Variants in AK7 observed in about 807,000 individuals in gnomAD.
AK7 encodes ATP-AMP transphosphorylase 7.
A neutral mutation model predicts 96.6 loss-of-function variants in AK7; 78 were observed. That is an observed-to-expected ratio of 0.81 (90% CI 0.67 to 0.97). AK7 has a LOEUF of 0.97. AK7 is among the 50% of genes least tolerant of loss of function. AK7 has a pLI of 0.00. For missense variants in AK7, 855 were observed against 887.9 expected (o/e 0.96, Z 0.47); for synonymous variants, 302 against 317.2 (o/e 0.95, Z 0.51).
chr14:96,456,652 C>G, intron 11 of AK7, 177 bp downstream of exon 11: 1 of 616,148 alleles, frequency 1.6e-6, no homozygotes, highest in Non-Finnish European at 2.7e-6. Context: ...CTTCTCTTCC[C>G]CCTCAGGCCT....
At chr14:96,451,382 C>A in intron 9 of AK7, 39 bp from the exon 10 acceptor site, 1 of 1,494,502 alleles carries the variant, frequency 6.7e-7, no homozygotes, top group Non-Finnish European at 9.0e-7. Context: ...CAGAATTAAA[C>A]AAAAAAAGAC....
chr14:96,398,426 A>G (rs1174352195), intron 2 of AK7, 163 bp downstream of exon 2: 4 of 691,236 alleles, frequency 5.8e-6, no homozygotes, highest in Non-Finnish European at 9.6e-6. Flanking sequence ...TTTACCTCAC[A>G]GACCCCACTT....
chr14:96,449,828 G>A lies in AK7; in HGVS notation c.897G>A (p.Gly299=), dbSNP rs140878553. 547 of 1,610,156 alleles carry A rather than the reference G, an allele frequency of 3.4e-4. No homozygotes were observed. Among genetic ancestry groups the A allele is most frequent in the Non-Finnish European group, 4.3e-4 (502 of 1,178,452 alleles). ...VKCISKNTGP[G]KIQKIPRENA... ...GTATCAGTAAAAATACTGGCCCTGG[G>A]AAAATCCAGAAAATACCCAGAGAAA... The change falls in exon 9 of 18, where the codon GGG becomes GGA. Residue 299 remains glycine, a synonymous_variant. Transcript: ENST00000267584.
chr14:96,432,956 T>C (rs1197902854), intron 5 of AK7, among the ~76,000 whole-genome samples: 2 of 152,216 alleles, frequency 1.3e-5, no homozygotes, highest in Non-Finnish European at 2.9e-5. Context: ...ATCACGCCAC[T>C]GCACTCCAGT....
At chr14:96,449,013 C>T (rs1028598776) in intron 8 of AK7, among the ~76,000 whole-genome samples, 5 of 151,948 alleles carry the variant, frequency 3.3e-5, no homozygotes, top group South Asian at 2.1e-4. Context: ...CAGTGCCTGA[C>T]GAGGGCCTGC....
chr14:96,404,956 G>A, intron 3 of AK7, 91 bp downstream of exon 3: 1 of 827,438 alleles, frequency 1.2e-6, no homozygotes, highest in Non-Finnish European at 1.8e-6. Context: ...AGACAAAGTA[G>A]GGCTATAGAA....
chr14:96,483,925 T>C (rs1895642340), intron 16 of AK7, among the ~76,000 whole-genome samples: 1 of 152,068 alleles, frequency 6.6e-6, no homozygotes, highest in Admixed American at 6.6e-5. Flanking sequence ...TAAGTGATTC[T>C]GCTTCCAAAA....
At chr14:96,398,428 A>C in intron 2 of AK7, 165 bp downstream of exon 2, 1 of 687,342 alleles carries the variant, frequency 1.5e-6, no homozygotes, top group Non-Finnish European at 2.4e-6. Flanking sequence ...TACCTCACAG[A>C]CCCCACTTTT....
rs1893909088 is a variant in AK7, at chr14:96,456,389, T to G, written c.1141T>G (p.Ser381Ala). 6.2e-7 allele frequency: 1 copy of G among 1,613,512 alleles called. No homozygotes were observed. Among genetic ancestry groups the G allele is most frequent in the Non-Finnish European group, 8.5e-7 (1 of 1,179,710 alleles). The change falls in exon 11 of 18, where the codon TCC becomes GCC. Residue 381 changes from serine (S) to alanine (A), a missense_variant. Ser to Ala is a moderately conservative substitution (Grantham distance 99). Coordinates refer to ENST00000267584, the MANE Select transcript of AK7 (RefSeq NM_152327.5). ...CILGPPAVGK[S>A]SIAKELANYY... Reference sequence around the variant, plus strand: ...TCTTGGTCCCCCTGCTGTGGGAAAATCCAGTATTGCTAAAGAATTGGCCAA... The same window carrying G: ...TCTTGGTCCCCCTGCTGTGGGAAAAGCCAGTATTGCTAAAGAATTGGCCAA...
At chr14:96,450,005 AG>A in intron 9 of AK7, 126 bp downstream of exon 9, 1 of 724,262 alleles carries the variant, frequency 1.4e-6, no homozygotes, top group Non-Finnish European at 2.2e-6. Context: ...TGGAGTCAGA[AG>A]GCCTGGGTTC....
At chr14:96,467,764 C>G (rs1894653566) in intron 12 of AK7, among the ~76,000 whole-genome samples, 1 of 152,096 alleles carries the variant, frequency 6.6e-6, no homozygotes. Context: ...TCTCAGCAAA[C>G]AATGGAGTTT....
Position 96,483,165 on chromosome 14 carries a change from C to T in AK7, c.1920C>T (p.Arg640=), listed in dbSNP as rs531331511. Residue 640 remains arginine (R), a synonymous_variant, in exon 16 of 18, where the codon CGC becomes CGT. Coordinates refer to ENST00000267584, the MANE Select transcript of AK7 (RefSeq NM_152327.5). ...LAREAAEEAE[R]EHQEAVEMAE... ...GGGAGGCTGCTGAGGAAGCAGAACG[C>T]GAGCACCAGGAGGCCGTGGAGATGG... 1.8e-5 allele frequency: 29 copies of T among 1,613,348 alleles called. No individual in the cohort carries two copies. Among genetic ancestry groups the T allele is most frequent in the South Asian group, 4.4e-5 (4 of 91,026 alleles).
At chr14:96,430,401 G>A (rs1367556635) in intron 5 of AK7, among the ~76,000 whole-genome samples, 1 of 151,992 alleles carries the variant, frequency 6.6e-6, no homozygotes, top group Non-Finnish European at 1.5e-5. Flanking sequence ...TAGCCAGGAT[G>A]GTCTCAATAA....
chr14:96,446,433 T>C, intron 7 of AK7, 84 bp from the exon 8 acceptor site: 2 of 1,157,264 alleles, frequency 1.7e-6, no homozygotes, highest in Admixed American at 1.7e-5. Context: ...CGCCCAGCCA[T>C]GGGGGTGGTG....
At chr14:96,475,763 G>A (rs929808450) in intron 14 of AK7, among the ~76,000 whole-genome samples, 2 of 152,124 alleles carry the variant, frequency 1.3e-5, no homozygotes, top group East Asian at 1.9e-4. Context: ...CTTGAGTCCA[G>A]GAGTTGGAGA....
Position 96,478,453 on chromosome 14 carries a change from C to G in AK7, c.1556-12C>G. On this transcript the variant is annotated splice_polypyrimidine_tract_variant and intron_variant, in intron 14 of 17. Transcript: ENST00000267584. ...GTATTGTGCCAACTCTGGAGTCTGTCCTTCTCCCCAGAATTCGTTTGTGCA... is the reference window on the plus strand; with the variant it reads ...GTATTGTGCCAACTCTGGAGTCTGTGCTTCTCCCCAGAATTCGTTTGTGCA... 1.9e-6 allele frequency: 3 copies of G among 1,613,964 alleles called. No homozygotes were observed. The highest frequency in any genetic ancestry group is 2.5e-6 in the Non-Finnish European group (3 of 1,179,872).
chr14:96,451,482 A>C lies in AK7; in HGVS notation c.1010A>C (p.Asn337Thr). The C allele has an allele frequency of 6.2e-7, 1 of 1,603,254 alleles. No individual in the cohort carries two copies. Among genetic ancestry groups the C allele is most frequent in the South Asian group, 1.1e-5 (1 of 89,192 alleles). ...LRMEALFVKE[N>T]FNIRWAAQTG... is the part of the protein sequence containing the mutation. ...ATGGAAGCGCTCTTTGTGAAGGAGAATTTTAATATTCGATGGGCTGCCCAA... is the reference window on the plus strand; with the variant it reads ...ATGGAAGCGCTCTTTGTGAAGGAGACTTTTAATATTCGATGGGCTGCCCAA... Residue 337 changes from asparagine to threonine, a missense_variant, in exon 10 of 18, where the codon AAT (asparagine) becomes ACT (threonine). Coordinates refer to ENST00000267584, the MANE Select transcript of AK7 (RefSeq NM_152327.5).
chr14:96,435,745 G>A (rs1034848800), intron 5 of AK7, among the ~76,000 whole-genome samples: 2 of 152,146 alleles, frequency 1.3e-5, no homozygotes, highest in African/African-American at 4.8e-5. Context: ...TCTGACTCAG[G>A]CTGGTTTGAA....
chr14:96,392,131 T>G lies in AK7; in HGVS notation c.-24T>G, dbSNP rs769399562. The G allele has an allele frequency of 2.5e-6, 4 of 1,594,722 alleles. No individual in the cohort carries two copies. The highest frequency in any genetic ancestry group is 2.2e-5 in the East Asian group (1 of 44,588). ...TTGGCAAGCGAGTGGCGCTTTCACC[T>G]TAGCAACCAGCGCGGCTCCCACCAT... On this transcript the variant is annotated 5_prime_UTR_variant, in exon 1 of 18. Coordinates refer to ENST00000267584, the MANE Select transcript of AK7 (RefSeq NM_152327.5).
Sources: gnomAD v4.1 joint callset for allele counts (sites outside exome capture counted in the v4.1 genomes callset) on GRCh38, gnomAD v4.1.1 for gene constraint, MANE v1.5 for transcripts, NCBI Gene and HGNC (gene_info 2026-07-23, HGNC 2026-07-21) for gene names.